Variants in DZIP3 observed in about 807,000 individuals in gnomAD.
The protein encoded by DZIP3 is E3 ubiquitin-protein ligase DZIP3.
Under a neutral mutation model 162.0 loss-of-function variants are expected in DZIP3, and 118 were observed. That is an observed-to-expected ratio of 0.73 (90% confidence interval 0.63 to 0.85). The LOEUF (loss-of-function observed/expected upper bound fraction) is 0.85, where lower values mean the gene tolerates loss of function less well. Ranked by LOEUF, DZIP3 falls within the 40% of genes least tolerant of loss-of-function variation. The pLI, the probability that DZIP3 is intolerant of heterozygous loss-of-function variation, is 0.00. For missense variants in DZIP3, 1,331 were observed against 1,407.0 expected, an observed-to-expected ratio of 0.95 and a Z score of 0.86; for synonymous variants, 438 against 458.6, an observed-to-expected ratio of 0.96 and a Z score of 0.57.
intron 32 of DZIP3, among the ~76,000 whole-genome samples, chr3:108,692,149 C>CTTTATA (rs550722396): frequency 6.6e-6 from 1 of 151,866 alleles, no homozygotes; most frequent in Non-Finnish European, 1.5e-5. Context: ...AACATTTTGG[C>CTTTATA]TTTATATTTA....
intron 5 of DZIP3, among the ~76,000 whole-genome samples, chr3:108,617,897 C>G (rs1484306971): frequency 6.6e-6 from 1 of 152,186 alleles, no homozygotes; most frequent in Non-Finnish European, 1.5e-5. Flanking sequence ...TTAGACATTA[C>G]TTCAAAGATG....
At chr3:108,593,430 T>G (rs1939534167) in intron 1 of DZIP3, among the ~76,000 whole-genome samples, 1 of 151,282 alleles carries the variant, frequency 6.6e-6, no homozygotes. Context: ...GATTTTATTA[T>G]ATACCTGTTC....
intron 2 of DZIP3, among the ~76,000 whole-genome samples, chr3:108,606,989 C>T (rs1485965585): frequency 6.6e-6 from 1 of 152,148 alleles, no homozygotes; most frequent in Non-Finnish European, 1.5e-5. Flanking sequence ...TACTCTTTCT[C>T]AAACCTTGAA....
chr3:108,625,954 G>A lies in DZIP3; in HGVS notation c.566G>A (p.Arg189Gln), dbSNP rs767859352. The change falls in exon 7 of 33, where the codon CGA (arginine) becomes CAA (glutamine). Residue 189 changes from arginine (R) to glutamine (Q), a missense_variant. Arg to Gln is a conservative substitution (Grantham distance 43). Transcript: ENST00000361582. ...SLVYFGRGLL[R>Q]CAQKRYNGGL... Reference sequence around the variant, plus strand: ...GTTTATTTTGGACGTGGTTTACTGCGATGTGCTCAAAAGAGGTAAGGATTT... The same window carrying A: ...GTTTATTTTGGACGTGGTTTACTGCAATGTGCTCAAAAGAGGTAAGGATTT... The A allele has an allele frequency of 1.7e-5, 28 of 1,612,632 alleles. No homozygotes were observed. The highest frequency in any genetic ancestry group is 6.7e-5 in the Admixed American group (4 of 59,734).
intron 7 of DZIP3, 103 bp downstream of exon 7, chr3:108,626,072 T>C: frequency 1.5e-6 from 2 of 1,298,916 alleles, no homozygotes; most frequent in East Asian, 2.5e-5. Flanking sequence ...ATTTGTGCTC[T>C]ACTGTTTTAT....
At chr3:108,597,614 T>C (rs1187866187) in intron 1 of DZIP3, among the ~76,000 whole-genome samples, 1 of 152,180 alleles carries the variant, frequency 6.6e-6, no homozygotes, top group Non-Finnish European at 1.5e-5. Context: ...AAATAAATAC[T>C]ATCAGGCTTA....
intron 27 of DZIP3, 135 bp downstream of exon 27, chr3:108,684,476 A>C: frequency 8.8e-7 from 1 of 1,132,284 alleles, no homozygotes; most frequent in South Asian, 1.6e-5. Flanking sequence ...TTGAATGAAT[A>C]CTTCCTGTGA....
At chr3:108,631,007 C>CCACACACACA (rs1941809749) in intron 8 of DZIP3, among the ~76,000 whole-genome samples, 3 of 32,462 alleles carry the variant, frequency 9.2e-5, no homozygotes, top group African/African-American at 1.4e-4. Flanking sequence ...TATACATCCC[C>CCACACACACA]TACACACACA....
chr3:108,636,784 C>CCT, intron 11 of DZIP3, 76 bp downstream of exon 11: 1 of 1,016,466 alleles, frequency 9.8e-7, no homozygotes, highest in Non-Finnish European at 1.5e-6. Context: ...TTGAAACAGA[C>CCT]CTGGGGATCA....
In DZIP3 at chr3:108,686,558, G is replaced by T. The variant is rs749555376; in HGVS notation, c.3123G>T (p.Leu1041=). 4 of 1,609,944 alleles carry T rather than the reference G, an allele frequency of 2.5e-6. No homozygotes were observed. In the East Asian group the frequency reaches 9.0e-5, roughly 36 times the overall value. ...IMNWERITDR[L]KTAFPQQTRK... Reference sequence around the variant, plus strand: ...ATTGGGAGAGAATTACAGACAGGCTGAAAACTGCCTTTCCACAGCAAACCA... The same window carrying T: ...ATTGGGAGAGAATTACAGACAGGCTTAAAACTGCCTTTCCACAGCAAACCA... Residue 1041 remains leucine, a synonymous_variant, in exon 28 of 33, where the codon CTG becomes CTT. Coordinates refer to ENST00000361582, the MANE Select transcript of DZIP3 (RefSeq NM_014648.4).
chr3:108,619,148 A>G (rs961549056), intron 5 of DZIP3, among the ~76,000 whole-genome samples: 13 of 149,556 alleles, frequency 8.7e-5, no homozygotes, highest in African/African-American at 3.2e-4. Context: ...TGTTTATGGT[A>G]TGGGGAAATC....
chr3:108,688,123 C>G (rs1313800992), intron 29 of DZIP3, 27 bp downstream of exon 29: 3 of 1,611,600 alleles, frequency 1.9e-6, no homozygotes, highest in Non-Finnish European at 2.5e-6. Flanking sequence ...ACCAAAAAAC[C>G]TGTATCTCTC....
At chr3:108,675,672 G>T in intron 24 of DZIP3, 114 bp from the exon 25 acceptor site, 1 of 685,312 alleles carries the variant, frequency 1.5e-6, no homozygotes. Context: ...GTTGGTGATG[G>T]GGGTAATTTT....
At chr3:108,590,559 G>A (rs1461514689) in intron 1 of DZIP3, among the ~76,000 whole-genome samples, 1 of 152,194 alleles carries the variant, frequency 6.6e-6, no homozygotes, top group African/African-American at 2.4e-5. Flanking sequence ...ATTATAGAGC[G>A]TGTAACATGG....
intron 21 of DZIP3, among the ~76,000 whole-genome samples, chr3:108,665,820 G>A (rs1041586170): frequency 1.3e-5 from 2 of 152,078 alleles, no homozygotes; most frequent in Non-Finnish European, 2.9e-5. Flanking sequence ...ATTACCGAAA[G>A]AAAAGAGCAG....
rs1479895651 is a variant in DZIP3, at chr3:108,625,904, A to T, written c.516A>T (p.Glu172Asp). Residue 172 changes from glutamate to aspartate, a missense_variant, in exon 7 of 33, where the codon GAA becomes GAT. By Grantham distance (45) the Glu-to-Asp change is conservative. This residue lies in a region of DZIP3 where 1,278 missense variants were observed against 1,317.1 expected (regional missense o/e 0.97). Transcript: ENST00000361582. ...LVMKMMIQEN[E>D]ICENFMSLVY... ...TGAAGATGATGATCCAAGAAAATGA[A>T]ATTTGTGAAAACTTTATGTCTTTAG... 1 of 1,613,750 alleles carries T rather than the reference A, an allele frequency of 6.2e-7. No homozygotes were observed. The highest frequency in any genetic ancestry group is 1.1e-5 in the South Asian group (1 of 91,030).
chr3:108,654,033 C>T (rs1942994326), intron 18 of DZIP3, 112 bp from the exon 19 acceptor site: 1 of 1,154,436 alleles, frequency 8.7e-7, no homozygotes, highest in Admixed American at 2.3e-5. Flanking sequence ...ATGAACCCTT[C>T]TAATGCTGAG....
chr3:108,648,961 A>G lies in DZIP3; in HGVS notation c.2006A>G (p.Lys669Arg). The change falls in exon 17 of 33, where the codon AAG (lysine) becomes AGG (arginine). Residue 669 changes from lysine to arginine, a missense_variant and splice_region_variant. By Grantham distance (26) the Lys-to-Arg change is conservative. Around this residue, in one of 2 missense-constraint regions of DZIP3, gnomAD observed 1,278 missense variants for 1,317.1 expected, o/e 0.97. Coordinates refer to ENST00000361582, the MANE Select transcript of DZIP3 (RefSeq NM_014648.4). The stretch of plus-strand genomic sequence containing the variant: ...AAAAAGAAGAAGACTAAGAATAAAA[A>G]GGTAAGAGACTATAATAGCATTATA... ...QRKKKKTKNK[K>R]NKDSKEDQVP... 1 of 1,164,842 alleles carries G rather than the reference A, an allele frequency of 8.6e-7. No homozygotes were observed. Among genetic ancestry groups the G allele is most frequent in the Non-Finnish European group, 1.1e-6 (1 of 876,858 alleles). The allele number at this position is 1,164,842 out of a possible 1,614,324, so 72.2% of individuals were successfully genotyped here.
At chr3:108,609,914 A>G (rs771912464) in intron 3 of DZIP3, among the ~76,000 whole-genome samples, 4 of 152,188 alleles carry the variant, frequency 2.6e-5, no homozygotes, top group Admixed American at 6.5e-5. Flanking sequence ...AAATTTGTTA[A>G]TTAGTATCCG....
Sources: gnomAD v4.1 joint callset for allele counts (sites outside exome capture counted in the v4.1 genomes callset) on GRCh38, gnomAD v4.1.1 for gene constraint, gnomAD v4.1.1 regional missense constraint, MANE v1.5 for transcripts, NCBI Gene and HGNC (gene_info 2026-07-23, HGNC 2026-07-21) for gene names.